The following GSE1 variants were observed in gnomAD, a reference collection of about 807,000 sequenced individuals.
GSE1 encodes the protein Gse1 coiled-coil protein.
In GSE1, 32 loss-of-function variants were observed where a neutral mutation model predicts 112.6. The observed-to-expected ratio is 0.28, with a 90% confidence interval of 0.21 to 0.38. GSE1 has a LOEUF of 0.38. Among genes scored for constraint, GSE1 ranks in the 10% least tolerant of loss-of-function variants. The probability of loss-of-function intolerance (pLI) is 1.00; values close to 1 mark genes in which losing one functional copy is unlikely to be tolerated. For synonymous variants in GSE1, 1,115 were observed against 735.6 expected, an observed-to-expected ratio of 1.52 and a Z score of -8.35; for missense variants, 2,348 against 1,699.2, an observed-to-expected ratio of 1.38 and a Z score of -6.71.
intron 14 of GSE1, 144 bp downstream of exon 14, chr16:85,668,568 T>C: frequency 1.6e-6 from 1 of 631,434 alleles, no homozygotes; most frequent in South Asian, 2.0e-5. Flanking sequence ...TACTGGAAGT[T>C]TCTTCCGGCT....
intron 2 of GSE1, among the ~76,000 whole-genome samples, chr16:85,542,600 TG>T (rs1365971297): frequency 1.3e-5 from 2 of 152,256 alleles, no homozygotes; most frequent in African/African-American, 4.8e-5. Flanking sequence ...AGGCTGTCTT[TG>T]GGACACATGG....
intron 1 of GSE1, among the ~76,000 whole-genome samples, chr16:85,596,225 A>G (rs1268402357): frequency 6.6e-6 from 1 of 152,146 alleles, no homozygotes; most frequent in Non-Finnish European, 1.5e-5. Flanking sequence ...TCACATCAGC[A>G]TGATGGTCCG....
chr16:85,213,958 A>G (rs1223593306), intron 1 of GSE1, among the ~76,000 whole-genome samples: 2 of 152,228 alleles, frequency 1.3e-5, no homozygotes, highest in Non-Finnish European at 2.9e-5. Context: ...GACTGCTTCC[A>G]TGAGACAGAG....
intron 2 of GSE1, among the ~76,000 whole-genome samples, chr16:85,510,046 A>T (rs1204220049): frequency 1.3e-5 from 2 of 152,348 alleles, no homozygotes; most frequent in East Asian, 3.9e-4. Context: ...TATTAGGCCA[A>T]GCCGCGCTGA....
chr16:85,456,359 G>A (rs1201183449), intron 2 of GSE1, among the ~76,000 whole-genome samples: 1 of 152,128 alleles, frequency 6.6e-6, no homozygotes, highest in African/African-American at 2.4e-5. Context: ...TTGGAGGTGG[G>A]ACCCTTTGAG....
chr16:85,645,180 T>C (rs7184409), intron 2 of GSE1, among the ~76,000 whole-genome samples: 55,079 of 151,468 alleles, frequency 0.36, 10,443 homozygotes, highest in Non-Finnish European at 0.42. Context: ...TGGGCAGTGG[T>C]TGGCTAGTCC....
intron 2 of GSE1, among the ~76,000 whole-genome samples, chr16:85,467,445 G>T (rs1457628111): frequency 6.6e-6 from 1 of 152,230 alleles, no homozygotes; most frequent in African/African-American, 2.4e-5. Flanking sequence ...GCAGCTAGCA[G>T]CTCTCGCCTG....
chr16:85,668,827 T>C lies in GSE1; in HGVS notation c.3415+403T>C, dbSNP rs1324839050. 2.6e-5 allele frequency among the ~76,000 whole-genome samples: 4 copies of C among 152,182 alleles called. 1 individual carries two copies. Among genetic ancestry groups the C allele is most frequent in the Non-Finnish European group, 4.4e-5 (3 of 68,036 alleles). ...GCATGCCTCTTGCCTAGTGACAGACTCCCCACACTGCAAGGATTGCTCTGT... is the reference window on the plus strand; with the variant it reads ...GCATGCCTCTTGCCTAGTGACAGACCCCCCACACTGCAAGGATTGCTCTGT... On this transcript the variant is annotated intron_variant, in intron 14 of 15. Coordinates refer to ENST00000253458, the MANE Select transcript of GSE1 (RefSeq NM_014615.5).
rs544697178 is a variant in GSE1, at chr16:85,516,740, G to A, written c.2465-117174G>A. ...TGAGGAGCCAGGTGGTATTCGTAGC[G>A]TTACCTACTAACCTACTAACCATGG... On this transcript the variant is annotated intron_variant, in intron 2 of 2. Coordinates refer to the GSE1 transcript ENST00000637419. Among the ~76,000 whole-genome samples, 38 of 151,338 alleles carry A rather than the reference G, an allele frequency of 2.5e-4. 1 individual carries two copies. The highest frequency in any genetic ancestry group is 2.0e-3 in the Admixed American group (31 of 15,218).
intron 2 of GSE1, among the ~76,000 whole-genome samples, chr16:85,478,931 T>TCTCTCTCTCTCTC (rs2050580819): frequency 1.1e-5 from 1 of 89,400 alleles, no homozygotes; most frequent in African/African-American, 5.4e-5. Context: ...TTCTTTCTCT[T>TCTCTCTCTCTCTC]TCTTTCTTTC....
At chr16:85,183,351 C>T (rs567706572) in intron 1 of GSE1, among the ~76,000 whole-genome samples, 6 of 152,200 alleles carry the variant, frequency 3.9e-5, no homozygotes, top group Non-Finnish European at 5.9e-5. Context: ...TAGGGGTGTC[C>T]GTCTTAAGAC....
intron 1 of GSE1, among the ~76,000 whole-genome samples, chr16:85,615,879 C>T (rs867273106): frequency 6.6e-6 from 1 of 152,236 alleles, no homozygotes; most frequent in Non-Finnish European, 1.5e-5. Flanking sequence ...TCCTAACGTA[C>T]ACACTGGGGG....
chr16:85,387,761 G>T (rs190204380), intron 2 of GSE1, among the ~76,000 whole-genome samples: 1 of 152,266 alleles, frequency 6.6e-6, no homozygotes, highest in African/African-American at 2.4e-5. Context: ...ACACATTAGT[G>T]ATAGTGCTTT....
chr16:85,579,833 A>T (rs1002604390), intron 1 of GSE1, among the ~76,000 whole-genome samples: 1 of 152,134 alleles, frequency 6.6e-6, no homozygotes, highest in Non-Finnish European at 1.5e-5. Flanking sequence ...AGCTCCATGG[A>T]TGGGGAGCTC....
At chr16:85,322,418 G>A (rs2046127772) in intron 1 of GSE1, among the ~76,000 whole-genome samples, 1 of 152,074 alleles carries the variant, frequency 6.6e-6, no homozygotes, top group Non-Finnish European at 1.5e-5. Context: ...AAACCTTGTT[G>A]CAAAGAAAAA....
chr16:85,278,043 G>A (rs372501068), intron 1 of GSE1, among the ~76,000 whole-genome samples: 25 of 152,266 alleles, frequency 1.6e-4, no homozygotes, highest in African/African-American at 5.8e-4. Context: ...TGTCCCAACC[G>A]TATCGTCCAT....
intron 1 of GSE1, among the ~76,000 whole-genome samples, chr16:85,561,442 C>T (rs925203957): frequency 2.0e-5 from 3 of 152,026 alleles, no homozygotes; most frequent in Admixed American, 6.5e-5. Flanking sequence ...TGGTTCCTGT[C>T]GTTTCTGGAG....
chr16:85,633,628 C>G (rs1337732959), intron 1 of GSE1, among the ~76,000 whole-genome samples: 1 of 152,218 alleles, frequency 6.6e-6, no homozygotes, highest in African/African-American at 2.4e-5. Context: ...ACCTGCCCAG[C>G]CTGGACTGCC....
chr16:85,258,301 G>A (rs1411931245), intron 1 of GSE1, among the ~76,000 whole-genome samples: 1 of 152,224 alleles, frequency 6.6e-6, no homozygotes, highest in Non-Finnish European at 1.5e-5. Context: ...AGAGGCTGGA[G>A]TCACACAGAC....
Sources: gnomAD v4.1 joint callset for allele counts (sites outside exome capture counted in the v4.1 genomes callset) on GRCh38, gnomAD v4.1.1 for gene constraint, MANE v1.5 for transcripts, NCBI Gene and HGNC (gene_info 2026-07-23, HGNC 2026-07-21) for gene names.